CDIN1: variants seen among roughly 807,000 people sequenced by gnomAD.
The protein encoded by CDIN1 is CDAN1-interacting nuclease 1.
CDIN1 carries 33 observed loss-of-function variants against 45.3 expected under a neutral mutation model. That is an observed-to-expected ratio of 0.73 (90% CI 0.55 to 0.97). The LOEUF (loss-of-function observed/expected upper bound fraction) is 0.97, where lower values mean the gene tolerates loss of function less well. Ranked by LOEUF, CDIN1 falls within the 50% of genes least tolerant of loss-of-function variation. CDIN1 has a pLI of 0.00. For missense variants in CDIN1, 303 were observed against 339.4 expected (o/e 0.89, Z 0.84); for synonymous variants, 118 against 124.4 (o/e 0.95, Z 0.34).
chr15:36,769,490 C>A (rs1056752864), intron 10 of CDIN1, among the ~76,000 whole-genome samples: 1 of 152,164 alleles, frequency 6.6e-6, no homozygotes, highest in Non-Finnish European at 1.5e-5. Flanking sequence ...ACCCCACCCA[C>A]GTTACAGAGG....
chr15:36,608,369 G>T (rs973929294), intron 1 of CDIN1, among the ~76,000 whole-genome samples: 1 of 152,076 alleles, frequency 6.6e-6, no homozygotes, highest in African/African-American at 2.4e-5. Context: ...ATTCCTGGTG[G>T]GTATGAAGTG....
At chr15:36,798,891 A>G (rs957270389) in intron 10 of CDIN1, 5 of 152,224 alleles carry the variant, frequency 3.3e-5, no homozygotes, top group African/African-American at 1.2e-4. Flanking sequence ...AATCACCTCA[A>G]AATTCATCAG....
intron 8 of CDIN1, among the ~76,000 whole-genome samples, chr15:36,698,360 A>G (rs986418265): frequency 1.3e-5 from 2 of 152,216 alleles, no homozygotes; most frequent in African/African-American, 4.8e-5. Flanking sequence ...GATATCATAA[A>G]TATTCCCTAG....
intron 1 of CDIN1, among the ~76,000 whole-genome samples, chr15:36,590,203 A>G (rs1345689014): frequency 5.9e-5 from 9 of 152,272 alleles, no homozygotes; most frequent in African/African-American, 1.9e-4. Flanking sequence ...GTGGTGTTCA[A>G]ACTGTGACCT....
Position 36,692,168 on chromosome 15 carries a change from A to T in CDIN1, c.469A>T (p.Ile157Phe), listed in dbSNP as rs2042280214. The T allele has an allele frequency of 6.2e-7, 1 of 1,613,502 alleles. No homozygotes were observed. The highest frequency in any genetic ancestry group is 1.7e-5 in the Admixed American group (1 of 59,954). ...DCCYGPLVDC[I>F]KHAIGHEHEV... The stretch of plus-strand genomic sequence containing the variant: ...CTGTTACGGACCACTAGTGGACTGC[A>T]TCAAGCAGTATCCTTTCCCATAAAA... Residue 157 changes from isoleucine to phenylalanine, a missense_variant, in exon 7 of 11, where the codon ATC becomes TTC. Coordinates refer to ENST00000566621, the MANE Select transcript of CDIN1 (RefSeq NM_001321759.2).
At chr15:36,624,492 T>A (rs1451325426) in intron 1 of CDIN1, among the ~76,000 whole-genome samples, 5 of 152,228 alleles carry the variant, frequency 3.3e-5, no homozygotes, top group African/African-American at 1.2e-4. Context: ...ATGATGATGA[T>A]GTTGTTTTTA....
At chr15:36,786,574 C>A (rs1275242429) in intron 10 of CDIN1, among the ~76,000 whole-genome samples, 1 of 152,204 alleles carries the variant, frequency 6.6e-6, no homozygotes, top group African/African-American at 2.4e-5. Flanking sequence ...TTATGACACA[C>A]AAGATCATAT....
At chr15:36,726,791 A>G (rs1183764845) in intron 10 of CDIN1, among the ~76,000 whole-genome samples, 4 of 152,200 alleles carry the variant, frequency 2.6e-5, no homozygotes, top group Non-Finnish European at 5.9e-5. Flanking sequence ...AGTCCTGAGT[A>G]CAGTATAAAC....
At chr15:36,669,333 G>T (rs899990494) in intron 5 of CDIN1, among the ~76,000 whole-genome samples, 1 of 152,070 alleles carries the variant, frequency 6.6e-6, no homozygotes, top group Admixed American at 6.6e-5. Context: ...AGTAACAGGG[G>T]TTGATGTTTT....
chr15:36,759,133 C>G (rs55930839), intron 10 of CDIN1, among the ~76,000 whole-genome samples: 16,725 of 152,048 alleles, frequency 0.11, 1,000 homozygotes, highest in Non-Finnish European at 0.14. Flanking sequence ...TTCCACCCCA[C>G]CAAGATACAT....
intron 10 of CDIN1, among the ~76,000 whole-genome samples, chr15:36,713,653 C>A (rs1055718238): frequency 1.3e-5 from 2 of 152,074 alleles, no homozygotes; most frequent in African/African-American, 4.8e-5. Flanking sequence ...CAGTGCCTGG[C>A]AGTCAAAAAA....
chr15:36,641,341 C>T (rs1162728570), intron 1 of CDIN1: 2 of 152,508 alleles, frequency 1.3e-5, no homozygotes, highest in East Asian at 1.9e-4. Context: ...TTCCATCTTC[C>T]GTCTGCCATC....
intron 8 of CDIN1, chr15:36,701,881 T>TGTCCCTTGTC (rs1239982365): frequency 3.4e-6 from 2 of 580,116 alleles, no homozygotes; most frequent in Non-Finnish European, 6.1e-6. Context: ...TAGTGAAGGA[T>TGTCCCTTGTC]GTCCCTTGTC....
intron 10 of CDIN1, among the ~76,000 whole-genome samples, chr15:36,756,982 T>A (rs1225529538): frequency 6.6e-6 from 1 of 152,146 alleles, no homozygotes; most frequent in Non-Finnish European, 1.5e-5. Flanking sequence ...GACAGGGAGA[T>A]GAGGCAATTT....
At chr15:36,771,905 G>A (rs1359580659) in intron 10 of CDIN1, among the ~76,000 whole-genome samples, 2 of 144,222 alleles carry the variant, frequency 1.4e-5, no homozygotes, top group African/African-American at 5.1e-5. Context: ...TCCAGCCTGG[G>A]TGACAGTGTG....
chr15:36,596,814 A>T (rs2037856605), intron 1 of CDIN1, among the ~76,000 whole-genome samples: 1 of 152,152 alleles, frequency 6.6e-6, no homozygotes, highest in Non-Finnish European at 1.5e-5. Context: ...ACAACAAAAA[A>T]AACCCAGAAT....
intron 8 of CDIN1, chr15:36,705,377 T>A (rs1418149997): frequency 2.6e-5 from 4 of 152,132 alleles, no homozygotes; most frequent in Non-Finnish European, 5.9e-5. Flanking sequence ...TGAAAATAAA[T>A]TTTTCCCCAC....
In CDIN1 at chr15:36,582,789, C is replaced by T. The variant is rs145499516; in HGVS notation, c.101+2828C>T. ...TGTACTAGTCCTTTTACTAGCAGAG[C>T]GTGAGAGTCTCTGTCTCTGCAACTT... On this transcript the variant is annotated intron_variant, in intron 1 of 10. Transcript: ENST00000566621. 6.2e-3 allele frequency among the ~76,000 whole-genome samples: 947 copies of T among 152,236 alleles called. 40 individuals carry two copies. The highest frequency in any genetic ancestry group is 0.054 in the Admixed American group (823 of 15,294).
At chr15:36,678,637 A>T (rs1304337620) in intron 5 of CDIN1, among the ~76,000 whole-genome samples, 1 of 152,118 alleles carries the variant, frequency 6.6e-6, no homozygotes, top group Non-Finnish European at 1.5e-5. Flanking sequence ...CTTCCTTCAC[A>T]CATCCTTTCT....
Sources: gnomAD v4.1 joint callset for allele counts (sites outside exome capture counted in the v4.1 genomes callset) on GRCh38, gnomAD v4.1.1 for gene constraint, MANE v1.5 for transcripts, NCBI Gene and HGNC (gene_info 2026-07-23, HGNC 2026-07-21) for gene names.